CFAP20DC: variants seen among roughly 807,000 people sequenced by gnomAD.
CFAP20DC encodes protein CFAP20DC.
Under a neutral mutation model 101.7 loss-of-function variants are expected in CFAP20DC, and 84 were observed. The ratio of observed to expected loss-of-function variants is 0.83; its 90% confidence interval spans 0.69 to 0.99. CFAP20DC has a LOEUF of 0.99. CFAP20DC is among the 50% of genes least tolerant of loss of function. The pLI, the probability that CFAP20DC is intolerant of heterozygous loss-of-function variation, is 0.00. For synonymous variants in CFAP20DC, 359 were observed against 351.2 expected, an observed-to-expected ratio of 1.02 and a Z score of -0.25; for missense variants, 1,007 against 970.3, an observed-to-expected ratio of 1.04 and a Z score of -0.50.
chr3:59,024,542 A>C (rs192900936), intron 4 of CFAP20DC, among the ~76,000 whole-genome samples: 149 of 152,288 alleles, frequency 9.8e-4, no homozygotes, highest in Non-Finnish European at 1.7e-3. Context: ...AATTTACTAC[A>C]TGTATGCCAT....
chr3:58,928,337 C>T (rs769307496), intron 5 of CFAP20DC, among the ~76,000 whole-genome samples: 41 of 152,276 alleles, frequency 2.7e-4, no homozygotes, highest in African/African-American at 3.6e-4. Flanking sequence ...AACCATAGTG[C>T]GCTTCCTGGA....
At chr3:59,030,303 TAG>T (rs1310375820) in intron 4 of CFAP20DC, among the ~76,000 whole-genome samples, 1 of 152,224 alleles carries the variant, frequency 6.6e-6, no homozygotes, top group Non-Finnish European at 1.5e-5. Context: ...CAGCAATGCA[TAG>T]AAAGACAATC....
intron 15 of CFAP20DC, among the ~76,000 whole-genome samples, chr3:58,775,610 A>G (rs941522827): frequency 3.3e-5 from 5 of 152,198 alleles, no homozygotes; most frequent in African/African-American, 1.2e-4. Flanking sequence ...AGGGAAGTAG[A>G]AAGAGAAGGG....
At chr3:58,815,158 A>G (rs2075010077) in intron 14 of CFAP20DC, among the ~76,000 whole-genome samples, 1 of 151,420 alleles carries the variant, frequency 6.6e-6, no homozygotes, top group Non-Finnish European at 1.5e-5. Context: ...ACCAAAACAG[A>G]GATATAGATC....
In CFAP20DC at chr3:58,721,201, G is replaced by A. The variant is rs539164358; in HGVS notation, c.198-3573C>T. On this transcript the variant is annotated intron_variant, in intron 3 of 3. Coordinates refer to the CFAP20DC transcript ENST00000486145. This position sits in a 1 kb window ranked among gnomAD's most constrained non-coding sequence, Gnocchi z 5.2. ...ACTGTATTCCCACATCTAACACAGC[G>A]TCCGGTGGATAGGAGGTACTCAATC... 1.6e-4 allele frequency among the ~76,000 whole-genome samples: 25 copies of A among 152,278 alleles called. No homozygotes were observed. The highest frequency in any genetic ancestry group is 1.0e-3 in the South Asian group (5 of 4,826).
rs1661769132 is a variant in CFAP20DC, at chr3:58,913,599, G to T, written c.550+109C>A. 2.8e-6 allele frequency: 3 copies of T among 1,076,460 alleles called. No homozygotes were observed. Among genetic ancestry groups the T allele is most frequent in the Non-Finnish European group, 2.8e-6 (2 of 702,716 alleles). 66.7% of individuals were successfully genotyped at this position (1,076,460 alleles called of 1,614,324 possible). ...CATGACTGTTGACAAATTTACTTTAGCAGACATAACATCAAACTGCTACCA... is the reference window on the plus strand; with the variant it reads ...CATGACTGTTGACAAATTTACTTTATCAGACATAACATCAAACTGCTACCA... On this transcript the variant is annotated intron_variant, in intron 6 of 16. Coordinates refer to ENST00000482387, the MANE Select transcript of CFAP20DC (RefSeq NM_001394063.1). The surrounding 1 kb of genome is among the most constrained non-coding windows in gnomAD (Gnocchi z 4.4).
intron 13 of CFAP20DC, among the ~76,000 whole-genome samples, chr3:58,837,810 G>A (rs530932527): frequency 6.6e-6 from 1 of 152,154 alleles, no homozygotes; most frequent in Non-Finnish European, 1.5e-5. Context: ...AAAAGTACTA[G>A]AAGTCCATTT....
chr3:58,979,645 C>T (rs1228622494), intron 4 of CFAP20DC, among the ~76,000 whole-genome samples: 1 of 152,154 alleles, frequency 6.6e-6, no homozygotes, highest in Non-Finnish European at 1.5e-5. Context: ...AGCAACAGCA[C>T]TGAGTTTCAG....
At chr3:58,762,269 T>C (rs1378693427) in intron 15 of CFAP20DC, among the ~76,000 whole-genome samples, 1 of 152,244 alleles carries the variant, frequency 6.6e-6, no homozygotes, top group Non-Finnish European at 1.5e-5. Context: ...TCTTATTGAA[T>C]TGATCCCTTT....
chr3:58,890,213 G>A (rs539445206), intron 6 of CFAP20DC, among the ~76,000 whole-genome samples: 33 of 147,594 alleles, frequency 2.2e-4, no homozygotes, highest in East Asian at 8.2e-4. Flanking sequence ...CGGACGGGGC[G>A]GCTGGCCGGG....
At chr3:58,950,538 G>T (rs1418807253) in intron 4 of CFAP20DC, among the ~76,000 whole-genome samples, 1 of 152,164 alleles carries the variant, frequency 6.6e-6, no homozygotes, top group East Asian at 1.9e-4. Flanking sequence ...AACCAAAACA[G>T]CATGGTACTG....
Position 58,814,700 on chromosome 3 carries a change from T to C in CFAP20DC, c.2176-8244A>G, listed in dbSNP as rs1025336092. Among the ~76,000 whole-genome samples the C allele has an allele frequency of 2.0e-4, 30 of 150,870 alleles. No homozygotes were observed. In the East Asian group the frequency reaches 5.6e-3, roughly 28 times the overall value. Reference sequence around the variant, plus strand: ...CAATGTACAAAAATCACAAGCATTCTGATACACCAACAACAGACAAACAGA... The same window carrying C: ...CAATGTACAAAAATCACAAGCATTCCGATACACCAACAACAGACAAACAGA... On this transcript the variant is annotated intron_variant, in intron 14 of 16. Transcript: ENST00000482387.
At chr3:58,890,854 TC>T (rs1291370733) in intron 6 of CFAP20DC, among the ~76,000 whole-genome samples, 1 of 147,382 alleles carries the variant, frequency 6.8e-6, no homozygotes, top group Admixed American at 6.7e-5. Context: ...GCTCCTCACT[TC>T]CTAGATGTGA....
intron 5 of CFAP20DC, among the ~76,000 whole-genome samples, chr3:58,935,627 A>G (rs2087456940): frequency 6.6e-6 from 1 of 152,184 alleles, no homozygotes; most frequent in East Asian, 1.9e-4. Context: ...CCGCATATCT[A>G]CAACTATCTG....
intron 15 of CFAP20DC, among the ~76,000 whole-genome samples, chr3:58,777,304 T>A (rs1317730674): frequency 2.0e-5 from 3 of 152,226 alleles, no homozygotes; most frequent in Non-Finnish European, 4.4e-5. Context: ...ATCTTACATG[T>A]ACTGATTGAT....
rs886408259 is a variant in CFAP20DC at position 58,899,228 on chromosome 3, C to T, written c.550+14480G>A. Among the ~76,000 whole-genome samples the T allele has an allele frequency of 3.9e-5, 6 of 152,216 alleles. No individual in the cohort carries two copies. Among genetic ancestry groups the T allele is most frequent in the African/African-American group, 1.2e-4 (5 of 41,456 alleles). ...GCTTTCTAGTAGTGCAGCTGTGCTG[C>T]GTTGTGGGAGACCCTTCCTTGTCCA... On this transcript the variant is annotated intron_variant, in intron 6 of 16. Transcript: ENST00000482387. The surrounding 1 kb of genome is among the most constrained non-coding windows in gnomAD (Gnocchi z 5.0).
chr3:58,823,263 C>T (rs1404019492), intron 14 of CFAP20DC, among the ~76,000 whole-genome samples: 1 of 152,092 alleles, frequency 6.6e-6, no homozygotes, highest in Admixed American at 6.6e-5. Context: ...TTTTCCTCCC[C>T]TACAATATGC....
At position 58,874,453 on chromosome 3, in the gene CFAP20DC, C is replaced by T. The variant is rs913182590; in HGVS notation, c.716-4144G>A. Among the ~76,000 whole-genome samples, 2 of 152,136 alleles carry T rather than the reference C, an allele frequency of 1.3e-5. No homozygotes were observed. The highest frequency in any genetic ancestry group is 2.9e-5 in the Non-Finnish European group (2 of 68,036). ...TTCACTTAAAGTTCTTCAGTGGCTT[C>T]TCTGCTGCTCTCAGGAGTAAGATGA... On this transcript the variant is annotated intron_variant, in intron 7 of 16. Coordinates refer to ENST00000482387, the MANE Select transcript of CFAP20DC (RefSeq NM_001394063.1). This position sits in a 1 kb window ranked among gnomAD's most constrained non-coding sequence, Gnocchi z 5.1.
chr3:58,985,746 C>CT (rs1447962440), intron 4 of CFAP20DC, among the ~76,000 whole-genome samples: 1 of 152,156 alleles, frequency 6.6e-6, no homozygotes, highest in Non-Finnish European at 1.5e-5. Flanking sequence ...AATAAAAACT[C>CT]TATTTTATTT....
Sources: gnomAD v4.1 joint callset for allele counts (sites outside exome capture counted in the v4.1 genomes callset) on GRCh38, gnomAD v4.1.1 for gene constraint, Gnocchi (gnomAD v3.1) non-coding constraint, MANE v1.5 for transcripts, NCBI Gene and HGNC (gene_info 2026-07-23, HGNC 2026-07-21) for gene names.